The following TACR1 variants were observed in gnomAD, a reference collection of about 807,000 sequenced individuals.
TACR1 encodes the protein tachykinin receptor 1, also known as substance-P receptor.
In TACR1, 25 loss-of-function variants were observed where a neutral mutation model predicts 35.8. The observed-to-expected ratio is 0.70, with a 90% confidence interval of 0.51 to 0.98. TACR1 has a LOEUF of 0.98. TACR1 is among the 50% of genes least tolerant of loss of function. TACR1 has a pLI of 0.00. For missense variants in TACR1, 478 were observed against 522.9 expected, an observed-to-expected ratio of 0.91 and a Z score of 0.84; for synonymous variants, 195 against 206.7, an observed-to-expected ratio of 0.94 and a Z score of 0.48.
At chr2:75,164,888 A>G (rs553613779) in intron 1 of TACR1, among the ~76,000 whole-genome samples, 1 of 152,354 alleles carries the variant, frequency 6.6e-6, no homozygotes, top group African/African-American at 2.4e-5. Flanking sequence ...ATAATTAGTT[A>G]TAAGAAGCCA....
intron 1 of TACR1, chr2:75,189,687 A>T (rs1032821226): frequency 2.2e-4 from 33 of 152,204 alleles, no homozygotes; most frequent in Admixed American, 7.2e-4. Flanking sequence ...TTTGTGTGCT[A>T]AATTTAGAAG....
chr2:75,179,668 T>C (rs1675514691), intron 1 of TACR1, among the ~76,000 whole-genome samples: 1 of 152,228 alleles, frequency 6.6e-6, no homozygotes, highest in African/African-American at 2.4e-5. Flanking sequence ...AAGTGATGTG[T>C]ATTGCTTCTG....
At chr2:75,179,247 A>G (rs1347162005) in intron 1 of TACR1, among the ~76,000 whole-genome samples, 6 of 152,046 alleles carry the variant, frequency 3.9e-5, no homozygotes, top group Non-Finnish European at 8.8e-5. Flanking sequence ...TCTATTTCAC[A>G]TATATCCCAT....
At chr2:75,144,625 A>G (rs890283678) in intron 1 of TACR1, among the ~76,000 whole-genome samples, 6 of 152,230 alleles carry the variant, frequency 3.9e-5, no homozygotes, top group African/African-American at 1.4e-4. Context: ...TATTCCAAAA[A>G]GTGAGACATA....
Position 75,089,093 on chromosome 2 carries a change from G to T in TACR1, c.584+31481C>A, listed in dbSNP as rs116357146. Among the ~76,000 whole-genome samples the T allele has an allele frequency of 2.5e-3, 387 of 152,296 alleles. 3 individuals are homozygous for T. The highest frequency in any genetic ancestry group is 9.1e-3 in the African/African-American group (377 of 41,554). On this transcript the variant is annotated intron_variant, in intron 2 of 4. Transcript: ENST00000305249. The stretch of plus-strand genomic sequence containing the variant: ...TTCAATTAACTTCACCATATGTGCT[G>T]CCCTTTGGCCTAGAACACAGGGCTG...
At chr2:75,052,047 AGATG>A (rs1452704803) in intron 3 of TACR1, among the ~76,000 whole-genome samples, 9 of 152,200 alleles carry the variant, frequency 5.9e-5, no homozygotes, top group African/African-American at 2.2e-4. Flanking sequence ...AGAGAGTGCC[AGATG>A]TTTAAAAGCG....
chr2:75,148,096 A>G (rs1674586810), intron 1 of TACR1, among the ~76,000 whole-genome samples: 1 of 152,052 alleles, frequency 6.6e-6, no homozygotes. Flanking sequence ...TATATGTACC[A>G]CCGTTTTTTA....
chr2:75,059,089 T>C (rs1165676707), intron 2 of TACR1, among the ~76,000 whole-genome samples: 6 of 152,170 alleles, frequency 3.9e-5, no homozygotes, highest in Non-Finnish European at 8.8e-5. Context: ...GTGGATGATA[T>C]TGTTTCGGGG....
chr2:75,137,276 G>A (rs6760369), intron 1 of TACR1, among the ~76,000 whole-genome samples: 3,730 of 152,178 alleles, frequency 0.025, 147 homozygotes, highest in African/African-American at 0.083. Flanking sequence ...AGAAAGAACA[G>A]CTTATTTTAT....
chr2:75,050,838 T>A (rs143307208), intron 4 of TACR1, among the ~76,000 whole-genome samples: 1 of 152,344 alleles, frequency 6.6e-6, no homozygotes, highest in East Asian at 1.9e-4. Flanking sequence ...TGAAATTCTC[T>A]TTCTGCATGC....
At chr2:75,161,278 G>T (rs1675003362) in intron 1 of TACR1, among the ~76,000 whole-genome samples, 1 of 152,086 alleles carries the variant, frequency 6.6e-6, no homozygotes, top group South Asian at 2.1e-4. Flanking sequence ...CATTTAAATT[G>T]AAAATTAAAG....
rs114917027 is a variant in TACR1 at position 75,174,797 on chromosome 2, T to C, written c.389+23749A>G. Reference sequence around the variant, plus strand: ...TTCTCCCTGGTGAGAATTTGCATAATGGTTGGGGATTTCATTAAAGATATC... The same window carrying C: ...TTCTCCCTGGTGAGAATTTGCATAACGGTTGGGGATTTCATTAAAGATATC... On this transcript the variant is annotated intron_variant, in intron 1 of 4. Transcript: ENST00000305249. Among the ~76,000 whole-genome samples the C allele has an allele frequency of 3.4e-3, 520 of 152,312 alleles. 1 individual carries two copies. Among genetic ancestry groups the C allele is most frequent in the African/African-American group, 0.012 (508 of 41,552 alleles).
intron 2 of TACR1, among the ~76,000 whole-genome samples, chr2:75,084,243 C>G (rs1157434250): frequency 6.6e-6 from 1 of 152,050 alleles, no homozygotes; most frequent in African/African-American, 2.4e-5. Context: ...TGATTTGCAT[C>G]TATTGAACCA....
intron 1 of TACR1, among the ~76,000 whole-genome samples, chr2:75,168,742 T>C (rs1675205860): frequency 6.6e-6 from 1 of 152,210 alleles, no homozygotes; most frequent in South Asian, 2.1e-4. Context: ...TGATTTGCTA[T>C]CAGTAATTAA....
chr2:75,154,337 CT>C (rs895964184), intron 1 of TACR1: 1 of 152,430 alleles, frequency 6.6e-6, no homozygotes, highest in Admixed American at 6.6e-5. Context: ...GACTGCTTTG[CT>C]GAAGCCACTC....
In TACR1 at chr2:75,082,027, C is replaced by A. The variant is rs747244009; in HGVS notation, c.585-28272G>T. ...TGTTGGTGTGCTGCACCCATTAACT[C>A]GTCATTTACATTAGGTATATCTCCT... On this transcript the variant is annotated intron_variant, in intron 2 of 4. Transcript: ENST00000305249. 1.3e-3 allele frequency among the ~76,000 whole-genome samples: 197 copies of A among 151,822 alleles called. 1 individual carries two copies. The highest frequency in any genetic ancestry group is 9.8e-4 in the Admixed American group (15 of 15,234).
Position 75,193,484 on chromosome 2 carries a change from A to G in TACR1, c.389+5062T>C, listed in dbSNP as rs140383684. On this transcript the variant is annotated intron_variant, in intron 1 of 4. Transcript: ENST00000305249. The stretch of plus-strand genomic sequence containing the variant: ...AACTAATCGTTATATTTTCATGTCA[A>G]ATTCAACATAGAGTATTCTCATATT... Among the ~76,000 whole-genome samples the G allele has an allele frequency of 7.8e-3, 1,188 of 152,286 alleles. 18 individuals are homozygous for G. The highest frequency in any genetic ancestry group is 0.026 in the African/African-American group (1,068 of 41,540).
Position 75,077,056 on chromosome 2 carries a change from T to G in TACR1, c.585-23301A>C, listed in dbSNP as rs573288910. On this transcript the variant is annotated intron_variant, in intron 2 of 4. Transcript: ENST00000305249. ...CTCGATCTTGGCTCACCGTAACTTC[T>G]GCCTTCTGGGTTCAAGCGAATCTCC... 2.6e-5 allele frequency among the ~76,000 whole-genome samples: 4 copies of G among 152,294 alleles called. No homozygotes were observed. The East Asian group carries it at 7.7e-4, about 29-fold the overall frequency.
At chr2:75,080,749 A>G (rs1006349997) in intron 2 of TACR1, among the ~76,000 whole-genome samples, 1 of 152,224 alleles carries the variant, frequency 6.6e-6, no homozygotes. Context: ...GAGGATATAT[A>G]GAAATAACTG....
Sources: gnomAD v4.1 joint callset for allele counts (sites outside exome capture counted in the v4.1 genomes callset) on GRCh38, gnomAD v4.1.1 for gene constraint, MANE v1.5 for transcripts, NCBI Gene and HGNC (gene_info 2026-07-23, HGNC 2026-07-21) for gene names.